The following ZBTB38 variants were observed in gnomAD, a reference collection of about 807,000 sequenced individuals.
ZBTB38 encodes the protein zinc finger and BTB domain containing 38, also known as zinc finger and BTB domain-containing protein 38.
In ZBTB38, 20 loss-of-function variants were observed where a neutral mutation model predicts 76.8. The ratio of observed to expected loss-of-function variants is 0.26; its 90% CI spans 0.18 to 0.38. ZBTB38 has a LOEUF of 0.38. ZBTB38 is among the 10% of genes least tolerant of loss of function. ZBTB38 has a pLI of 1.00. For missense variants in ZBTB38, 1,082 were observed against 1,482.3 expected (o/e 0.73, Z 4.43); for synonymous variants, 504 against 544.2 (o/e 0.93, Z 1.03).
intron 2 of ZBTB38, among the ~76,000 whole-genome samples, chr3:141,376,304 G>C (rs372938294): frequency 1.8e-4 from 27 of 152,272 alleles, no homozygotes; most frequent in African/African-American, 6.5e-4. Flanking sequence ...AAGGCACCTG[G>C]TGACACACAA....
At chr3:141,431,715 A>T (rs1168750686) in intron 5 of ZBTB38, 1 of 152,088 alleles carries the variant, frequency 6.6e-6, no homozygotes, top group African/African-American at 2.4e-5. Context: ...TTTTCCAGAT[A>T]ATAGGTGAGG....
chr3:141,357,715 G>T (rs1036111278), intron 1 of ZBTB38, among the ~76,000 whole-genome samples: 1 of 152,092 alleles, frequency 6.6e-6, no homozygotes, highest in African/African-American at 2.4e-5. Context: ...TTGAACTCCT[G>T]AGCTCAGGTG....
intron 5 of ZBTB38, among the ~76,000 whole-genome samples, chr3:141,441,631 G>C (rs1455523765): frequency 6.6e-6 from 1 of 152,162 alleles, no homozygotes; most frequent in Non-Finnish European, 1.5e-5. Flanking sequence ...CCACAAATTA[G>C]GAAGGGCTCC....
chr3:141,371,969 A>G (rs547902684), intron 2 of ZBTB38, among the ~76,000 whole-genome samples: 1 of 152,272 alleles, frequency 6.6e-6, no homozygotes, highest in Admixed American at 6.5e-5. Flanking sequence ...CCTGGTACCT[A>G]GTTCTCTAGT....
At position 141,413,902 on chromosome 3, in the gene ZBTB38, G is replaced by A. The variant is rs1454253200; in HGVS notation, c.-1+9871G>A. Among the ~76,000 whole-genome samples, 2 of 152,156 alleles carry A rather than the reference G, an allele frequency of 1.3e-5. No homozygotes were observed. Among genetic ancestry groups the A allele is most frequent in the South Asian group, 4.1e-4 (2 of 4,830 alleles). ...CCCATAGGAATGGACAAACTAAAGG[G>A]ATCCTTAAGAAATAGTATGTCACCC... On this transcript the variant is annotated intron_variant, in intron 5 of 5. Transcript: ENST00000321464. The surrounding 1 kb of genome is among the most constrained non-coding windows in gnomAD (Gnocchi z 4.1).
At chr3:141,382,915 T>C (rs1946403701) in intron 3 of ZBTB38, among the ~76,000 whole-genome samples, 1 of 152,216 alleles carries the variant, frequency 6.6e-6, no homozygotes, top group Non-Finnish European at 1.5e-5. Flanking sequence ...AGTTTTATCC[T>C]CTTAGGACTG....
At chr3:141,401,398 C>A (rs536329546) in intron 4 of ZBTB38, among the ~76,000 whole-genome samples, 1 of 152,206 alleles carries the variant, frequency 6.6e-6, no homozygotes, top group East Asian at 1.9e-4. Context: ...TTTTAAATAA[C>A]ATGATTATTT....
intron 1 of ZBTB38, among the ~76,000 whole-genome samples, chr3:141,333,659 T>C (rs1942920867): frequency 6.6e-6 from 1 of 152,120 alleles, no homozygotes; most frequent in Non-Finnish European, 1.5e-5. Flanking sequence ...AAGGGCAGTG[T>C]GGGTGGGGAA....
chr3:141,446,001 A>T lies in ZBTB38; in HGVS notation c.*25A>T. 5 of 1,528,270 alleles carry T rather than the reference A, an allele frequency of 3.3e-6. No individual in the cohort carries two copies. The highest frequency in any genetic ancestry group is 2.6e-6 in the Non-Finnish European group (3 of 1,143,704). The allele number at this position is 1,528,270 out of a possible 1,614,324, so 94.7% of individuals were successfully genotyped here. ...AGTGGCAAGAATTAGAAAAATCTTC[A>T]AAAATATAGTTGGTGGTTTTTTTAG... On this transcript the variant is annotated 3_prime_UTR_variant, in exon 6 of 6. Coordinates refer to ENST00000321464, the MANE Select transcript of ZBTB38 (RefSeq NM_001376113.1).
chr3:141,346,157 G>A (rs749732845), intron 1 of ZBTB38, among the ~76,000 whole-genome samples: 1 of 152,162 alleles, frequency 6.6e-6, no homozygotes, highest in East Asian at 1.9e-4. Context: ...TCACCTCAGA[G>A]AGTCTCCACC....
chr3:141,348,260 T>C (rs1370687518), intron 1 of ZBTB38, among the ~76,000 whole-genome samples: 1 of 152,210 alleles, frequency 6.6e-6, no homozygotes, highest in East Asian at 1.9e-4. Context: ...CATAAGCCCG[T>C]GAATAATTGT....
chr3:141,407,005 A>G (rs528389639), intron 5 of ZBTB38, among the ~76,000 whole-genome samples: 1 of 152,336 alleles, frequency 6.6e-6, no homozygotes, highest in South Asian at 2.1e-4. Flanking sequence ...TGTCCCCGGC[A>G]AGTCCCAAAA....
chr3:141,423,161 C>T (rs2075754320), intron 5 of ZBTB38, among the ~76,000 whole-genome samples: 1 of 152,208 alleles, frequency 6.6e-6, no homozygotes, highest in South Asian at 2.1e-4. Flanking sequence ...AAGCCTGAAT[C>T]TCTCCAGGCC....
At chr3:141,412,446 C>T (rs1051985763) in intron 5 of ZBTB38, among the ~76,000 whole-genome samples, 4 of 151,968 alleles carry the variant, frequency 2.6e-5, no homozygotes, top group African/African-American at 9.7e-5. Context: ...GGCAGAAACT[C>T]AAGCTATTCT....
rs540123176 is a variant in ZBTB38, at chr3:141,444,894, C to T, written c.2506C>T (p.Leu836Phe). Reference sequence around the variant, plus strand: ...CTCCACAAATAGTAATGTTGCACCCCTTTGCCAAATAACAGTGAAAATTGG... The same window carrying T: ...CTCCACAAATAGTAATGTTGCACCCTTTTGCCAAATAACAGTGAAAATTGG... ...GTSTNSNVAPLCQITVKIGNE... is the reference protein window; with the variant it reads ...GTSTNSNVAPFCQITVKIGNE... Residue 836 changes from leucine to phenylalanine, a missense_variant, in exon 6 of 6, where the codon CTT (leucine) becomes TTT (phenylalanine). Transcript: ENST00000321464. The surrounding 1 kb of genome is among the most constrained non-coding windows in gnomAD (Gnocchi z 5.1). 1 of 1,614,102 alleles carries T rather than the reference C, an allele frequency of 6.2e-7. No homozygotes were observed. The highest frequency in any genetic ancestry group is 1.7e-5 in the Admixed American group (1 of 60,028).
rs2081234951 is a variant in ZBTB38, at chr3:141,448,165, A to G, written c.*2189A>G. The G allele has an allele frequency of 6.6e-6, 1 of 152,614 alleles. No homozygotes were observed. The highest frequency in any genetic ancestry group is 1.5e-5 in the Non-Finnish European group (1 of 68,022). 9.5% of individuals were successfully genotyped at this position (152,614 alleles called of 1,614,324 possible). A position where few individuals can be genotyped will look rare whatever the true frequency, so the allele number is the denominator to read the frequency against. On this transcript the variant is annotated 3_prime_UTR_variant, in exon 6 of 6. Transcript: ENST00000321464. ...TTGAGTTAACCCCAAATATAAAATTACCTGTAGTGATGTCTCTCTCCCAGC... is the reference window on the plus strand; with the variant it reads ...TTGAGTTAACCCCAAATATAAAATTGCCTGTAGTGATGTCTCTCTCCCAGC...
At chr3:141,427,144 G>A (rs1018694628) in intron 5 of ZBTB38, among the ~76,000 whole-genome samples, 1 of 151,990 alleles carries the variant, frequency 6.6e-6, no homozygotes, top group African/African-American at 2.4e-5. Context: ...CTTAGTTTTG[G>A]GTGCTTTCTG....
intron 1 of ZBTB38, among the ~76,000 whole-genome samples, chr3:141,334,440 CCTTCTTTCCTTT>C (rs1488309480): frequency 1.2e-4 from 15 of 126,596 alleles, no homozygotes; most frequent in African/African-American, 4.1e-4. Flanking sequence ...TTCCTTCCTT[CCTTCTTTCCTTT>C]CTTCCTTCCT....
At chr3:141,439,648 A>T (rs2079641305) in intron 5 of ZBTB38, among the ~76,000 whole-genome samples, 1 of 152,226 alleles carries the variant, frequency 6.6e-6, no homozygotes, top group South Asian at 2.1e-4. Flanking sequence ...ATGGAAGCAG[A>T]GCCTAAAGGG....
Sources: allele counts gnomAD v4.1 joint callset (sites outside exome capture counted in the v4.1 genomes callset), GRCh38; gene constraint gnomAD v4.1.1; non-coding constraint Gnocchi (gnomAD v3.1); transcripts MANE v1.5; gene names NCBI Gene and HGNC (gene_info 2026-07-23, HGNC 2026-07-21).